The following IL10RB variants were observed in gnomAD, a reference collection of about 807,000 sequenced individuals.
The protein encoded by IL10RB is interleukin 10 receptor subunit beta.
In IL10RB, 30 loss-of-function variants were observed where a neutral mutation model predicts 38.7. The ratio of observed to expected loss-of-function variants is 0.78; its 90% CI spans 0.58 to 1.05. IL10RB has a LOEUF of 1.05. Among genes scored for constraint, IL10RB ranks in the 50% least tolerant of loss-of-function variants. IL10RB has a pLI of 0.00. For missense variants in IL10RB, 328 were observed against 397.1 expected (o/e 0.83, Z 1.48); for synonymous variants, 142 against 145.9 (o/e 0.97, Z 0.19).
downstream of IL10RB, among the ~76,000 whole-genome samples, chr21:33,298,066 T>A (rs1297750340): frequency 6.6e-6 from 1 of 152,220 alleles, no homozygotes; most frequent in Non-Finnish European, 1.5e-5. Context: ...GACCTCAGGC[T>A]TCTTTTCTCT....
chr21:33,279,419 AGAG>A (rs8178486), intron 3 of IL10RB, among the ~76,000 whole-genome samples: 2,189 of 152,316 alleles, frequency 0.014, 51 homozygotes, highest in African/African-American at 0.049. Flanking sequence ...CAGGAATAAA[AGAG>A]GAGAAGACAC....
intron 6 of IL10RB, among the ~76,000 whole-genome samples, chr21:33,290,109 G>A (rs992853339): frequency 4.7e-5 from 7 of 149,134 alleles, no homozygotes; most frequent in East Asian, 2.0e-4. Context: ...GCGAGACTCC[G>A]TCTCAAAAAA....
chr21:33,309,309 G>T (rs916095689), exon 2 of IL10RB: 4 of 152,166 alleles, frequency 2.6e-5, no homozygotes, highest in African/African-American at 9.7e-5. Context: ...TCCCTACTTG[G>T]GTTGGTGTTT....
intron 6 of IL10RB, among the ~76,000 whole-genome samples, chr21:33,288,908 C>T (rs1009061255): frequency 1.3e-5 from 2 of 152,172 alleles, no homozygotes; most frequent in Non-Finnish European, 2.9e-5. Flanking sequence ...GGTCTCATTT[C>T]CCAGGAAGCA....
chr21:33,276,877 C>CTT, intron 3 of IL10RB, 124 bp downstream of exon 3: 1 of 749,588 alleles, frequency 1.3e-6, no homozygotes, highest in Non-Finnish European at 2.3e-6. Context: ...GCACAAGGAG[C>CTT]TTAAGGAATA....
Position 33,288,375 on chromosome 21 carries a change from G to GCACA in IL10RB, c.804+115_804+116insACAC, listed in dbSNP as rs1460963409. 1.0e-3 allele frequency: 671 copies of GCACA among 672,832 alleles called. 1 individual carries two copies. The highest frequency in any genetic ancestry group is 7.7e-3 in the East Asian group (286 of 37,246). The allele number at this position is 672,832 out of a possible 1,614,324, so 41.7% of individuals were successfully genotyped here. A position where few individuals can be genotyped will look rare whatever the true frequency, so the allele number is the denominator to read the frequency against. ...ATGTTTTCCAGGAAAACACACACGC[G>GCACA]CGCGCGCACACACACACACACACAC... On this transcript the variant is annotated intron_variant, in intron 6 of 6. Transcript: ENST00000290200.
intron 3 of IL10RB, among the ~76,000 whole-genome samples, chr21:33,278,753 T>C (rs909280147): frequency 6.6e-6 from 1 of 152,252 alleles, no homozygotes; most frequent in Non-Finnish European, 1.5e-5. Context: ...TTTCCAGGCA[T>C]CATGCATAAC....
downstream of IL10RB, among the ~76,000 whole-genome samples, chr21:33,299,884 G>A (rs1221255801): frequency 1.3e-5 from 2 of 152,114 alleles, no homozygotes; most frequent in East Asian, 3.9e-4. Context: ...GCTTTCAAAG[G>A]GGTCGCTTTC....
At chr21:33,280,291 G>A (rs774352959) in intron 4 of IL10RB, among the ~76,000 whole-genome samples, 54 of 152,164 alleles carry the variant, frequency 3.5e-4, no homozygotes, top group Non-Finnish European at 7.3e-5. Flanking sequence ...GACGTCCGTG[G>A]TCAAGACAGC....
Position 33,286,033 on chromosome 21 carries a change from A to C in IL10RB, c.647-2071A>C, listed in dbSNP as rs989929536. On this transcript the variant is annotated intron_variant, in intron 5 of 6. Transcript: ENST00000290200. ...AAGGAGTGCTGAAACCCGCAAGGACAGGAGCTGGGGAGATGGGAGGCCGCC... is the reference window on the plus strand; with the variant it reads ...AAGGAGTGCTGAAACCCGCAAGGACCGGAGCTGGGGAGATGGGAGGCCGCC... Among the ~76,000 whole-genome samples, 3 of 152,322 alleles carry C rather than the reference A, an allele frequency of 2.0e-5. No individual in the cohort carries two copies. The South Asian group carries it at 6.2e-4, about 32-fold the overall frequency.
intron 6 of IL10RB, among the ~76,000 whole-genome samples, chr21:33,288,562 G>A (rs1989425045): frequency 6.6e-6 from 1 of 152,158 alleles, no homozygotes; most frequent in African/African-American, 2.4e-5. Flanking sequence ...GGTCCCTGAG[G>A]AGCAAAGGTG....
intron 5 of IL10RB, among the ~76,000 whole-genome samples, chr21:33,285,713 TTGAA>T (rs1989360385): frequency 6.6e-6 from 1 of 152,116 alleles, no homozygotes. Flanking sequence ...GGATCCCTGT[TTGAA>T]TGAGTCTCCG....
At chr21:33,273,249 A>C (rs1422993966) in intron 2 of IL10RB, among the ~76,000 whole-genome samples, 1 of 152,230 alleles carries the variant, frequency 6.6e-6, no homozygotes, top group Non-Finnish European at 1.5e-5. Flanking sequence ...CAGGCATATC[A>C]CAGAGATAAG....
At chr21:33,287,316 G>A (rs1355029601) in intron 5 of IL10RB, among the ~76,000 whole-genome samples, 1 of 150,896 alleles carries the variant, frequency 6.6e-6, no homozygotes, top group African/African-American at 2.5e-5. Context: ...CTATGCTGGG[G>A]TTTGGCCAAG....
intron 6 of IL10RB, among the ~76,000 whole-genome samples, chr21:33,294,817 C>A (rs1989559146): frequency 6.6e-6 from 1 of 152,132 alleles, no homozygotes; most frequent in Non-Finnish European, 1.5e-5. Context: ...CACTGGTGGA[C>A]CTAGGAAGAT....
At chr21:33,287,979 T>C in intron 5 of IL10RB, 125 bp from the exon 6 acceptor site, 1 of 934,448 alleles carries the variant, frequency 1.1e-6, no homozygotes, top group Non-Finnish European at 1.8e-6. Flanking sequence ...AGTTGCTGTT[T>C]CTGAGACGTC....
intron 1 of IL10RB, chr21:33,267,944 G>C (rs1222046120): frequency 1.0e-4 from 28 of 271,496 alleles, no homozygotes; most frequent in Non-Finnish European, 3.6e-5. Flanking sequence ...CCTCTCTCCA[G>C]CATCTCCAAC....
intron 1 of IL10RB, among the ~76,000 whole-genome samples, chr21:33,305,737 T>C (rs1401369151): frequency 6.6e-6 from 1 of 152,152 alleles, no homozygotes; most frequent in Non-Finnish European, 1.5e-5. Flanking sequence ...GCACACCTCA[T>C]TGTCCCCCAC....
At chr21:33,267,498 G>GT (rs1988982255) in intron 1 of IL10RB, among the ~76,000 whole-genome samples, 3 of 126,278 alleles carry the variant, frequency 2.4e-5, no homozygotes, top group African/African-American at 9.3e-5. Flanking sequence ...TTTTTTGTTT[G>GT]TTTGTTTTTT....
Sources: allele counts gnomAD v4.1 joint callset (sites outside exome capture counted in the v4.1 genomes callset), GRCh38; gene constraint gnomAD v4.1.1; transcripts MANE v1.5; gene names NCBI Gene and HGNC (gene_info 2026-07-23, HGNC 2026-07-21).